The following TSPAN18 variants were observed in gnomAD, a reference collection of about 807,000 sequenced individuals.
TSPAN18 encodes the protein tetraspanin-18.
TSPAN18 carries 14 observed loss-of-function variants against 27.3 expected under a neutral mutation model. The observed-to-expected ratio is 0.51, with a 90% CI of 0.34 to 0.80. The LOEUF is 0.80. TSPAN18 is among the 30% of genes least tolerant of loss of function. The pLI is 0.01. For synonymous variants in TSPAN18, 143 were observed against 136.5 expected, an observed-to-expected ratio of 1.05 and a Z score of -0.33; for missense variants, 268 against 323.9, an observed-to-expected ratio of 0.83 and a Z score of 1.32.
At chr11:44,765,042 A>C (rs76264480) in intron 2 of TSPAN18, among the ~76,000 whole-genome samples, 2,474 of 152,320 alleles carry the variant, frequency 0.016, 71 homozygotes, top group African/African-American at 0.057. Context: ...AGGCTCTGGG[A>C]AGTCCTTCTT....
chr11:44,917,736 C>T, intron 5 of TSPAN18: 1 of 559,456 alleles, frequency 1.8e-6, no homozygotes, highest in Admixed American at 3.1e-5. Flanking sequence ...GTACCATTTG[C>T]ATGGAAGGTA....
chr11:44,897,772 T>C lies in TSPAN18; in HGVS notation c.-10-8635T>C, dbSNP rs758714480. ...ACAAGCTGGGCCGATAAAAGAAATA[T>C]ACACAAGCCTCGCTGACGGGAGAGT... On this transcript the variant is annotated intron_variant, in intron 3 of 9. Transcript: ENST00000520358. The C allele has an allele frequency of 7.0e-6, 9 of 1,289,258 alleles. No individual in the cohort carries two copies. In the South Asian group the frequency reaches 7.4e-5, roughly 11 times the overall value. The allele number at this position is 1,289,258 out of a possible 1,614,324, so 79.9% of individuals were successfully genotyped here.
intron 1 of TSPAN18, among the ~76,000 whole-genome samples, chr11:44,746,599 A>C (rs1226690540): frequency 6.6e-6 from 1 of 152,050 alleles, no homozygotes; most frequent in African/African-American, 2.4e-5. Context: ...AAAAATAAAA[A>C]AATAAAAATT....
intron 1 of TSPAN18, among the ~76,000 whole-genome samples, chr11:44,756,483 G>A (rs60439939): frequency 0.054 from 8,142 of 151,674 alleles, 296 homozygotes; most frequent in African/African-American, 0.096. Context: ...TCATAATGTT[G>A]TGCAACCGTC....
chr11:44,747,869 T>C (rs1855116676), intron 1 of TSPAN18, among the ~76,000 whole-genome samples: 1 of 152,034 alleles, frequency 6.6e-6, no homozygotes, highest in South Asian at 2.1e-4. Flanking sequence ...CTGTTTCCAC[T>C]ACACACACAC....
At chr11:44,896,157 G>A (rs1859040254) in intron 3 of TSPAN18, among the ~76,000 whole-genome samples, 1 of 152,122 alleles carries the variant, frequency 6.6e-6, no homozygotes, top group Admixed American at 6.5e-5. Flanking sequence ...TAAATGGGGA[G>A]GAATCTTTCA....
intron 2 of TSPAN18, among the ~76,000 whole-genome samples, chr11:44,834,301 C>T (rs370559998): frequency 1.3e-5 from 2 of 152,074 alleles, no homozygotes; most frequent in East Asian, 1.9e-4. Flanking sequence ...AGCCTCTCTC[C>T]TCTGCTTAGA....
In TSPAN18 at chr11:44,788,914, C is replaced by T. The variant is rs142073119; in HGVS notation, c.-153+24402C>T. Among the ~76,000 whole-genome samples the T allele has an allele frequency of 2.7e-3, 407 of 152,338 alleles. 2 individuals carry two copies. Among genetic ancestry groups the T allele is most frequent in the African/African-American group, 8.0e-3 (331 of 41,570 alleles). ...ATGGAGAGAAGAGAGGGCCAAGTGACTGGAAGAATCCACGCATGCAGCTGG... is the reference window on the plus strand; with the variant it reads ...ATGGAGAGAAGAGAGGGCCAAGTGATTGGAAGAATCCACGCATGCAGCTGG... On this transcript the variant is annotated intron_variant, in intron 2 of 9. Coordinates refer to ENST00000520358, the MANE Select transcript of TSPAN18 (RefSeq NM_130783.5).
rs191138189 is a variant in TSPAN18 at position 44,929,483 on chromosome 11, C to T, written c.*305C>T. ...AAAGGAACACCAGGCCCAGCGCCCT[C>T]TTTGGTCCAGCCAGACCCTGGGCCC... On this transcript the variant is annotated 3_prime_UTR_variant, in exon 10 of 10. Transcript: ENST00000520358. The T allele has an allele frequency of 2.5e-6, 1 of 402,466 alleles. No homozygotes were observed. Among genetic ancestry groups the T allele is most frequent in the Non-Finnish European group, 4.5e-6 (1 of 224,702 alleles). 24.9% of individuals were successfully genotyped at this position (402,466 alleles called of 1,614,324 possible).
intron 2 of TSPAN18, among the ~76,000 whole-genome samples, chr11:44,824,194 C>T (rs888440347): frequency 6.6e-6 from 1 of 152,178 alleles, no homozygotes; most frequent in Non-Finnish European, 1.5e-5. Flanking sequence ...TTTGAATTTC[C>T]CCTCCGCTAG....
chr11:44,831,886 G>A (rs1220724420), intron 2 of TSPAN18, among the ~76,000 whole-genome samples: 5 of 152,146 alleles, frequency 3.3e-5, no homozygotes, highest in African/African-American at 1.2e-4. Context: ...TTTGAGCAGA[G>A]ACCTGAATGA....
chr11:44,790,425 A>ATG (rs777880237), intron 2 of TSPAN18, among the ~76,000 whole-genome samples: 1 of 132,098 alleles, frequency 7.6e-6, no homozygotes, highest in African/African-American at 2.9e-5. Flanking sequence ...ATGTGTGTGC[A>ATG]TGTGTGTGTA....
chr11:44,875,495 C>G (rs1247976108), intron 3 of TSPAN18, among the ~76,000 whole-genome samples: 1 of 152,218 alleles, frequency 6.6e-6, no homozygotes, highest in Non-Finnish European at 1.5e-5. Flanking sequence ...TTCCCTCATC[C>G]TAGCTGGTTG....
intron 2 of TSPAN18, among the ~76,000 whole-genome samples, chr11:44,790,823 G>A (rs914415106): frequency 6.6e-6 from 1 of 152,150 alleles, no homozygotes; most frequent in African/African-American, 2.4e-5. Context: ...TCACAGAGTC[G>A]GAGAACAGGT....
intron 8 of TSPAN18, among the ~76,000 whole-genome samples, chr11:44,924,610 G>T (rs965440501): frequency 1.3e-5 from 2 of 152,190 alleles, no homozygotes; most frequent in African/African-American, 4.8e-5. Context: ...AGGGGATGAT[G>T]GGAGGGCCGA....
intron 2 of TSPAN18, among the ~76,000 whole-genome samples, chr11:44,780,753 A>T (rs912137038): frequency 6.6e-6 from 1 of 152,190 alleles, no homozygotes; most frequent in East Asian, 1.9e-4. Context: ...CCATCTGTAA[A>T]ATAGGGATCA....
intron 3 of TSPAN18, chr11:44,897,734 T>C: frequency 7.8e-7 from 1 of 1,282,488 alleles, no homozygotes. Context: ...AATTGAATAT[T>C]TTCTCTTATT....
rs941464470 is a variant in TSPAN18, at chr11:44,929,520, T to C, written c.*342T>C. On this transcript the variant is annotated 3_prime_UTR_variant, in exon 10 of 10. Transcript: ENST00000520358. ...CAGACCCTGGGCCCTCTCTCCTCAC[T>C]GCACCAGGACCTGATGCCAAGAAAG... 1.6e-5 allele frequency: 5 copies of C among 306,342 alleles called. No homozygotes were observed. Among genetic ancestry groups the C allele is most frequent in the African/African-American group, 8.6e-5 (4 of 46,606 alleles). 19.0% of individuals were successfully genotyped at this position (306,342 alleles called of 1,614,324 possible).
Position 44,863,697 on chromosome 11 carries a change from T to A in TSPAN18, c.-11+3228T>A, listed in dbSNP as rs116837862. ...CTATAGTTTGTCAAGCTCCTTCCGC[T>A]TGAAACATTGTATTCCATGTCAGAC... On this transcript the variant is annotated intron_variant, in intron 3 of 9. Transcript: ENST00000520358. Among the ~76,000 whole-genome samples the A allele has an allele frequency of 2.2e-3, 337 of 152,308 alleles. 2 individuals are homozygous for A. The highest frequency in any genetic ancestry group is 7.0e-3 in the African/African-American group (292 of 41,560).
Sources: allele counts gnomAD v4.1 joint callset (sites outside exome capture counted in the v4.1 genomes callset), GRCh38; gene constraint gnomAD v4.1.1; transcripts MANE v1.5; gene names NCBI Gene and HGNC (gene_info 2026-07-23, HGNC 2026-07-21).